The following PLCZ1 variants were observed in gnomAD, a reference collection of about 807,000 sequenced individuals.
PLCZ1 encodes 1-phosphatidylinositol 4,5-bisphosphate phosphodiesterase zeta-1.
PLCZ1 carries 64 observed loss-of-function variants against 76.8 expected under a neutral mutation model. That is an observed-to-expected ratio of 0.83 (90% CI 0.68 to 1.03). The LOEUF is 1.03. PLCZ1 is among the 50% of genes least tolerant of loss of function. The pLI, the probability that PLCZ1 is intolerant of heterozygous loss-of-function variation, is 0.00. For synonymous variants in PLCZ1, 248 were observed against 230.8 expected (o/e 1.07, Z -0.68); for missense variants, 751 against 713.7 (o/e 1.05, Z -0.60).
chr12:18,689,775 G>A (rs1953774857), intron 12 of PLCZ1, among the ~76,000 whole-genome samples: 1 of 152,244 alleles, frequency 6.6e-6, no homozygotes, highest in African/African-American at 2.4e-5. Flanking sequence ...CAGATTGCAG[G>A]TGACGAAGAG....
intron 10 of PLCZ1, among the ~76,000 whole-genome samples, chr12:18,698,628 G>A (rs1430315279): frequency 6.6e-6 from 1 of 151,972 alleles, no homozygotes; most frequent in Non-Finnish European, 1.5e-5. Context: ...ATGGTAGATT[G>A]CATTTTTTTA....
chr12:18,704,941 T>A (rs16914497), intron 7 of PLCZ1, among the ~76,000 whole-genome samples: 7,357 of 152,076 alleles, frequency 0.048, 604 homozygotes, highest in African/African-American at 0.17. Flanking sequence ...GGAGACACAA[T>A]CAAAATGTGG....
At chr12:18,677,060 A>C in the PLCZ1 span, among the ~76,000 whole-genome samples, 1 of 152,218 alleles carries the variant, frequency 6.6e-6, no homozygotes, top group Non-Finnish European at 1.5e-5. Flanking sequence ...CTTTCCCAAA[A>C]GGAAAATAAA....
chr12:18,666,177 A>G, the PLCZ1 span, among the ~76,000 whole-genome samples: 1 of 152,004 alleles, frequency 6.6e-6, no homozygotes, highest in Non-Finnish European at 1.5e-5. Flanking sequence ...ATTATAGAGA[A>G]ATTAATAATT....
At chr12:18,711,119 G>T (rs1485885118) in intron 6 of PLCZ1, among the ~76,000 whole-genome samples, 1 of 151,846 alleles carries the variant, frequency 6.6e-6, no homozygotes, top group African/African-American at 2.4e-5. Context: ...CAATAGCAAA[G>T]AATTGGAACC....
At chr12:18,654,912 AG>A in the PLCZ1 span, among the ~76,000 whole-genome samples, 1 of 152,210 alleles carries the variant, frequency 6.6e-6, no homozygotes, top group Non-Finnish European at 1.5e-5. Flanking sequence ...GTGAAGGGAA[AG>A]GAAAAAGAAA....
rs747788606 is a variant in PLCZ1, at chr12:18,696,209, G to T, written c.1232C>A (p.Thr411Lys). 1.2e-6 allele frequency: 2 copies of T among 1,601,380 alleles called. No homozygotes were observed. Among genetic ancestry groups the T allele is most frequent in the South Asian group, 1.1e-5 (1 of 90,088 alleles). The change falls in exon 11 of 15, where the codon ACA becomes AAA. Residue 411 changes from threonine to lysine, a missense_variant. Thr to Lys is a moderately conservative substitution (Grantham distance 78, BLOSUM62 -1). Coordinates refer to ENST00000266505, the MANE Select transcript of PLCZ1 (RefSeq NM_033123.4). The stretch of plus-strand genomic sequence containing the variant: ...ATTAAAATTAGAAGAGTCTGCTCTT[G>T]TTGCTTTGGGATATATTCTGGTAAT... ...KFITRIYPKA[T>K]RADSSNFNPQ...
rs187295726 is a variant in PLCZ1 at position 18,727,696 on chromosome 12, T to A, written c.136-4154A>T. Among the ~76,000 whole-genome samples the A allele has an allele frequency of 2.0e-5, 3 of 152,264 alleles. No homozygotes were observed. The East Asian group carries it at 5.8e-4, about 30-fold the overall frequency. ...GAAATTTAGACTTCTTTGGAAAGAA[T>A]AAAGAGTTATTGATCAGTTTTAAGA... On this transcript the variant is annotated intron_variant, in intron 3 of 14. Transcript: ENST00000266505.
At chr12:18,733,691 A>G (rs915837718) in intron 3 of PLCZ1, among the ~76,000 whole-genome samples, 1 of 152,150 alleles carries the variant, frequency 6.6e-6, no homozygotes, top group Non-Finnish European at 1.5e-5. Context: ...GCGAATATCC[A>G]GTTTTCCCAA....
At chr12:18,683,548 C>T in intron 14 of PLCZ1, 1 of 1,500,088 alleles carries the variant, frequency 6.7e-7, no homozygotes, top group Non-Finnish European at 8.9e-7. Flanking sequence ...TCATACTTCT[C>T]CTTCCGCAAA....
At chr12:18,699,742 A>C (rs1343975923) in intron 10 of PLCZ1, 52 bp downstream of exon 10, 5 of 1,509,004 alleles carry the variant, frequency 3.3e-6, no homozygotes, top group Non-Finnish European at 4.6e-6. Flanking sequence ...ACACCCTAGC[A>C]GTGAATCTAA....
chr12:18,660,313 T>C, the PLCZ1 span, among the ~76,000 whole-genome samples: 1 of 152,122 alleles, frequency 6.6e-6, no homozygotes, highest in Non-Finnish European at 1.5e-5. Context: ...GGGATCTGTG[T>C]TCTGATATCT....
At chr12:18,700,535 A>AAAAAAAAAAAAAAAAAAAAAAC (rs1491067443) in intron 9 of PLCZ1, among the ~76,000 whole-genome samples, 1 of 150,388 alleles carries the variant, frequency 6.6e-6, no homozygotes, top group Non-Finnish European at 1.5e-5. Context: ...AAAAAAAAAA[A>AAAAAAAAAAAAAAAAAAAAAAC]ATAGTTGCTC....
the PLCZ1 span, among the ~76,000 whole-genome samples, chr12:18,672,445 A>C: frequency 6.6e-6 from 1 of 152,182 alleles, no homozygotes; most frequent in South Asian, 2.1e-4. Flanking sequence ...TCTGGAATTA[A>C]AGTCAAATGA....
chr12:18,662,370 TA>T, the PLCZ1 span, among the ~76,000 whole-genome samples: 1 of 151,888 alleles, frequency 6.6e-6, no homozygotes, highest in Non-Finnish European at 1.5e-5. Flanking sequence ...AAGAAATTAA[TA>T]AATGAGGGAG....
At chr12:18,708,792 T>G (rs182608217) in intron 6 of PLCZ1, among the ~76,000 whole-genome samples, 1 of 152,214 alleles carries the variant, frequency 6.6e-6, no homozygotes, top group Non-Finnish European at 1.5e-5. Flanking sequence ...CATATACTTG[T>G]TGGCCATTTT....
Position 18,696,222 on chromosome 12 carries a change from A to G in PLCZ1, c.1219T>C (p.Tyr407His), listed in dbSNP as rs776602317. The change falls in exon 11 of 15, where the codon TAT becomes CAT. Residue 407 changes from tyrosine to histidine, a missense_variant. Coordinates refer to ENST00000266505, the MANE Select transcript of PLCZ1 (RefSeq NM_033123.4). ...GAGTCTGCTCTTGTTGCTTTGGGAT[A>G]TATTCTGGTAATGAACTTCCTGGTG... ...FHTRKFITRI[Y>H]PKATRADSSN... 1.0e-5 allele frequency: 16 copies of G among 1,600,496 alleles called. No individual in the cohort carries two copies. The highest frequency in any genetic ancestry group is 3.3e-4 in the Middle Eastern group (2 of 6,040).
the PLCZ1 span, chr12:18,648,166 T>A: frequency 2.4e-6 from 1 of 422,364 alleles, no homozygotes; most frequent in Non-Finnish European, 4.1e-6. Flanking sequence ...AAATCAGAAT[T>A]AGTCTTTTGT....
At chr12:18,683,673 C>T in intron 14 of PLCZ1, 2 of 1,270,922 alleles carry the variant, frequency 1.6e-6, no homozygotes, top group Non-Finnish European at 2.1e-6. Flanking sequence ...TAATTGGGAG[C>T]ACAGTGTAAA....
Sources: allele counts gnomAD v4.1 joint callset (sites outside exome capture counted in the v4.1 genomes callset), GRCh38; gene constraint gnomAD v4.1.1; transcripts MANE v1.5; gene names NCBI Gene and HGNC (gene_info 2026-07-23, HGNC 2026-07-21).